ATAD2B: variants seen among roughly 807,000 people sequenced by gnomAD.
The protein encoded by ATAD2B is ATPase family AAA domain-containing protein 2B.
Under a neutral mutation model 167.6 loss-of-function variants are expected in ATAD2B, and 40 were observed. The ratio of observed to expected loss-of-function variants is 0.24; its 90% confidence interval spans 0.19 to 0.31. The LOEUF is 0.31. Ranked by LOEUF, ATAD2B falls within the 10% of genes least tolerant of loss-of-function variation. The probability of loss-of-function intolerance (pLI) is 1.00; values close to 1 mark genes in which losing one functional copy is unlikely to be tolerated. For missense variants in ATAD2B, 1,242 were observed against 1,757.2 expected (o/e 0.71, Z 5.24); for synonymous variants, 579 against 596.5 (o/e 0.97, Z 0.43).
the ATAD2B span, among the ~76,000 whole-genome samples, chr2:23,699,542 C>G: frequency 6.6e-6 from 1 of 152,340 alleles, no homozygotes; most frequent in East Asian, 1.9e-4. Context: ...TGCTGAACCC[C>G]AAGTCTGCTT....
chr2:23,901,160 G>A (rs1025592545), intron 1 of ATAD2B: 7 of 160,748 alleles, frequency 4.4e-5, no homozygotes, highest in Middle Eastern at 3.0e-3. Context: ...GTTTGTCTAC[G>A]TACTCAAGTA....
Position 23,863,573 on chromosome 2 carries a change from T to A in ATAD2B, c.1305-18A>T. On this transcript the variant is annotated intron_variant, in intron 11 of 27. Transcript: ENST00000238789. ...AACAGCCCCTAGAAGAATAAAAAAA[T>A]CAAGAAGTGTAAATTATATTATCAT... 1 of 1,533,742 alleles carries A rather than the reference T, an allele frequency of 6.5e-7. No homozygotes were observed. Among genetic ancestry groups the A allele is most frequent in the East Asian group, 2.4e-5 (1 of 41,596 alleles).
At chr2:23,784,809 T>G (rs1054647510) in intron 21 of ATAD2B, among the ~76,000 whole-genome samples, 8 of 152,108 alleles carry the variant, frequency 5.3e-5, no homozygotes, top group African/African-American at 1.9e-4. Flanking sequence ...AAACTGATAT[T>G]TATTAATTTA....
the ATAD2B span, chr2:23,693,391 C>G: frequency 7.0e-5 from 109 of 1,551,644 alleles, no homozygotes; most frequent in Non-Finnish European, 9.5e-5. Flanking sequence ...GGTGGCCGCC[C>G]AGGAGGAGAT....
In ATAD2B at chr2:23,875,823, C is replaced by T. The variant is rs778616907; in HGVS notation, c.977+6G>A. ...GCAAATGTTTCCTTTCAAAAACAAA[C>T]CTTACCTAATATGGCTTCTTCTTGC... is the stretch of plus-strand genomic sequence containing the variant. On this transcript the variant is annotated splice_donor_region_variant and intron_variant, in intron 8 of 27. Transcript: ENST00000238789. The T allele has an allele frequency of 7.5e-6, 12 of 1,598,786 alleles. No individual in the cohort carries two copies. In the African/African-American group the frequency reaches 1.6e-4, roughly 21 times the overall value.
At chr2:23,914,401 T>C (rs974702731) in intron 1 of ATAD2B, among the ~76,000 whole-genome samples, 1 of 151,360 alleles carries the variant, frequency 6.6e-6, no homozygotes, top group Non-Finnish European at 1.5e-5. Flanking sequence ...AATAGCAAAA[T>C]GGGCAAAAAC....
chr2:23,925,497 T>C (rs1704607270), intron 1 of ATAD2B, among the ~76,000 whole-genome samples: 1 of 152,140 alleles, frequency 6.6e-6, no homozygotes, highest in Admixed American at 6.5e-5. Context: ...CAAAATGGTG[T>C]GGAATTAAAG....
intron 22 of ATAD2B, among the ~76,000 whole-genome samples, chr2:23,771,320 G>C (rs957593643): frequency 2.0e-5 from 3 of 152,166 alleles, no homozygotes; most frequent in Non-Finnish European, 4.4e-5. Context: ...TTGGCTGAAA[G>C]CTCCAGTTTA....
At chr2:23,772,386 C>T (rs1678461081) in intron 22 of ATAD2B, among the ~76,000 whole-genome samples, 1 of 152,104 alleles carries the variant, frequency 6.6e-6, no homozygotes, top group Non-Finnish European at 1.5e-5. Context: ...CATCAACATC[C>T]TTAGAAGTAG....
rs1024427705 is a variant in ATAD2B at position 23,926,846 on chromosome 2, G to C, written c.-76C>G. On this transcript the variant is annotated 5_prime_UTR_variant, in exon 1 of 28. Transcript: ENST00000238789. Reference sequence around the variant, plus strand: ...GGCCGGCCCGCCGGCCGGTCAGTCAGGGCCAGCGGAGCCGAGCCGGGCAAT... The same window carrying C: ...GGCCGGCCCGCCGGCCGGTCAGTCACGGCCAGCGGAGCCGAGCCGGGCAAT... 1.4e-6 allele frequency: 2 copies of C among 1,438,230 alleles called. No individual in the cohort carries two copies. Among genetic ancestry groups the C allele is most frequent in the African/African-American group, 1.5e-5 (1 of 67,138 alleles). The allele number at this position is 1,438,230 out of a possible 1,614,324, so 89.1% of individuals were successfully genotyped here. A position where few individuals can be genotyped will look rare whatever the true frequency, so the allele number is the denominator to read the frequency against.
At chr2:23,890,296 A>C (rs974511591) in intron 2 of ATAD2B, among the ~76,000 whole-genome samples, 8 of 151,484 alleles carry the variant, frequency 5.3e-5, no homozygotes, top group Non-Finnish European at 1.0e-4. Flanking sequence ...ATTGTCAAAA[A>C]AATAACAACA....
At chr2:23,804,133 G>A (rs781339737) in intron 18 of ATAD2B, among the ~76,000 whole-genome samples, 4 of 152,072 alleles carry the variant, frequency 2.6e-5, no homozygotes, top group Admixed American at 2.0e-4. Context: ...CTTCCCTAGC[G>A]CTTTTGTACC....
chr2:23,926,842 G>T lies in ATAD2B; in HGVS notation c.-72C>A. The T allele has an allele frequency of 6.9e-7, 1 of 1,443,100 alleles. No individual in the cohort carries two copies. The allele number at this position is 1,443,100 out of a possible 1,614,324, so 89.4% of individuals were successfully genotyped here. A position where few individuals can be genotyped will look rare whatever the true frequency, so the allele number is the denominator to read the frequency against. On this transcript the variant is annotated 5_prime_UTR_variant, in exon 1 of 28. It adds an upstream start codon to the 5' untranslated region. Coordinates refer to ENST00000238789, the MANE Select transcript of ATAD2B (RefSeq NM_017552.4). ...GCAAGGCCGGCCCGCCGGCCGGTCA[G>T]TCAGGGCCAGCGGAGCCGAGCCGGG...
the ATAD2B span, among the ~76,000 whole-genome samples, chr2:23,717,285 T>C: frequency 6.6e-6 from 1 of 152,012 alleles, no homozygotes; most frequent in African/African-American, 2.4e-5. Context: ...GGGGCCATGC[T>C]GAGGAGAGCA....
chr2:23,831,968 T>C (rs1664186753), intron 14 of ATAD2B, among the ~76,000 whole-genome samples: 1 of 152,170 alleles, frequency 6.6e-6, no homozygotes, highest in South Asian at 2.1e-4. Context: ...CTCCCTCCAA[T>C]TCCTTCCCAT....
intron 1 of ATAD2B, among the ~76,000 whole-genome samples, chr2:23,920,407 T>A (rs1270794409): frequency 6.6e-6 from 1 of 152,260 alleles, no homozygotes; most frequent in African/African-American, 2.4e-5. Flanking sequence ...TTTGCAGTAC[T>A]GAGGGTAAAA....
intron 21 of ATAD2B, among the ~76,000 whole-genome samples, chr2:23,784,936 C>A (rs1680594848): frequency 6.6e-6 from 1 of 152,066 alleles, no homozygotes; most frequent in African/African-American, 2.4e-5. Context: ...CACTTGCCAA[C>A]AAGTCTGTTT....
At chr2:23,922,661 T>G (rs1272010322) in intron 1 of ATAD2B, among the ~76,000 whole-genome samples, 1 of 144,234 alleles carries the variant, frequency 6.9e-6, no homozygotes, top group Non-Finnish European at 1.5e-5. Flanking sequence ...AAGGCTGCAG[T>G]GAACCACTCC....
Position 23,828,855 on chromosome 2 carries a change from AT to A in ATAD2B, c.1812del (p.Lys604AsnfsTer19). 4 of 1,606,638 alleles carry A rather than the reference AT, an allele frequency of 2.5e-6. No homozygotes were observed. The highest frequency in any genetic ancestry group is 2.2e-5 in the South Asian group (2 of 90,074). ...TTCAAACAGTAACACTCACCAACAC[AT>A]TTTTCAGCCAATTCACCTAAAAATG... ...SDAFLGELAE[K>X]CVGYCGADIK... On this transcript the variant is annotated frameshift_variant, in exon 15 of 28. Transcript: ENST00000238789. LOFTEE classifies it high-confidence loss of function.
Sources: allele counts gnomAD v4.1 joint callset (sites outside exome capture counted in the v4.1 genomes callset), GRCh38; gene constraint gnomAD v4.1.1; transcripts MANE v1.5; gene names NCBI Gene and HGNC (gene_info 2026-07-23, HGNC 2026-07-21).